NDRG2: variants seen among roughly 807,000 people sequenced by gnomAD.
The protein encoded by NDRG2 is protein NDRG2.
NDRG2 carries 34 observed loss-of-function variants against 58.2 expected under a neutral mutation model. The observed-to-expected ratio is 0.58, with a 90% CI of 0.44 to 0.78. The LOEUF is 0.78. Ranked by LOEUF, NDRG2 falls within the 30% of genes least tolerant of loss-of-function variation. The probability of loss-of-function intolerance (pLI) is 0.00; values close to 1 mark genes in which losing one functional copy is unlikely to be tolerated. For synonymous variants in NDRG2, 187 were observed against 175.9 expected (o/e 1.06, Z -0.50); for missense variants, 434 against 471.2 (o/e 0.92, Z 0.73).
At chr14:21,026,838 C>G (rs1214852935), upstream of NDRG2, among the ~76,000 whole-genome samples, 3 of 152,118 alleles carry the variant, frequency 2.0e-5, no homozygotes, top group Non-Finnish European at 4.4e-5. Context: ...CAGTTTAACA[C>G]TCTCCTGGAC....
At position 21,017,044 on chromosome 14, in the gene NDRG2, A is replaced by G. The variant is rs758115029; in HGVS notation, c.*552T>C. 6.6e-5 allele frequency: 30 copies of G among 454,666 alleles called. No individual in the cohort carries two copies. The highest frequency in any genetic ancestry group is 1.2e-4 in the Non-Finnish European group (27 of 225,640). The allele number at this position is 454,666 out of a possible 1,614,324, so 28.2% of individuals were successfully genotyped here. On this transcript the variant is annotated 3_prime_UTR_variant, in exon 16 of 16. Coordinates refer to ENST00000556147, the MANE Select transcript of NDRG2 (RefSeq NM_001320329.2). ...ACTCGTTCACTGCCCGCCAACTCCCATTCCAACTTCCTTTTTACACTGGAT... is the reference window on the plus strand; with the variant it reads ...ACTCGTTCACTGCCCGCCAACTCCCGTTCCAACTTCCTTTTTACACTGGAT...
upstream of NDRG2, chr14:21,028,472 C>T (rs917387496): frequency 3.9e-5 from 6 of 151,976 alleles, no homozygotes; most frequent in African/African-American, 1.5e-4. Context: ...TGTTGGCCTC[C>T]CAAAGTGCTG....
chr14:21,059,334 A>G lies in NDRG2; in HGVS notation c.24+11494T>C, dbSNP rs1481497730. The stretch of plus-strand genomic sequence containing the variant: ...TTTTATATGCAATCGGCCATAGACC[A>G]ATACTTTTGTAAAATACAATACAAT... On this transcript the variant is annotated intron_variant, in intron 1 of 14. Coordinates refer to the NDRG2 transcript ENST00000403829. Among the ~76,000 whole-genome samples the G allele has an allele frequency of 3.3e-5, 5 of 152,206 alleles. No individual in the cohort carries two copies. The East Asian group carries it at 9.6e-4, about 29-fold the overall frequency.
Position 21,070,700 on chromosome 14 carries a change from C to T in NDRG2, c.24+128G>A. The T allele has an allele frequency of 5.4e-6, 6 of 1,121,180 alleles. No individual in the cohort carries two copies. The highest frequency in any genetic ancestry group is 7.7e-6 in the Non-Finnish European group (6 of 780,786). 69.5% of individuals were successfully genotyped at this position (1,121,180 alleles called of 1,614,324 possible). A position where few individuals can be genotyped will look rare whatever the true frequency, so the allele number is the denominator to read the frequency against. On this transcript the variant is annotated intron_variant, in intron 1 of 14. Transcript: ENST00000403829. This position sits in a 1 kb window ranked among gnomAD's most constrained non-coding sequence, Gnocchi z 4.7. ...GCTCCCCGCCCTCCTCTGTCCTGAC[C>T]TGTGCCTTCCTTTCCTGGAGCTTCC...
intron 1 of NDRG2, among the ~76,000 whole-genome samples, chr14:21,060,963 C>T (rs944373914): frequency 6.6e-6 from 1 of 152,190 alleles, no homozygotes; most frequent in East Asian, 1.9e-4. Flanking sequence ...GCTCAATACA[C>T]ATTACGGCCT....
chr14:21,020,913 CA>C, intron 6 of NDRG2, 69 bp from the exon 7 acceptor site: 1 of 1,521,884 alleles, frequency 6.6e-7, no homozygotes, highest in Non-Finnish European at 9.1e-7. Flanking sequence ...CCCATCTCTT[CA>C]AACTCTTCAC....
At chr14:21,025,924 G>A (rs1458967225), upstream of NDRG2, 2 of 163,954 alleles carry the variant, frequency 1.2e-5, no homozygotes, top group Non-Finnish European at 2.5e-5. The surrounding 1 kb of genome is among the most constrained non-coding windows in gnomAD (Gnocchi z 5.1). Flanking sequence ...CAGGGGCGGA[G>A]TTAACCCTGC....
chr14:21,034,395 G>T, intron 1 of NDRG2: 1 of 798,242 alleles, frequency 1.3e-6, no homozygotes, highest in Non-Finnish European at 2.0e-6. Context: ...GTACTTTAGA[G>T]ATCATCTCAC....
intron 1 of NDRG2, chr14:21,032,916 C>T: frequency 2.2e-6 from 1 of 455,622 alleles, no homozygotes. Flanking sequence ...CCCAGTTTCC[C>T]CCAATGGTTA....
intron 1 of NDRG2, chr14:21,032,237 G>T: frequency 2.6e-6 from 2 of 754,852 alleles, no homozygotes; most frequent in Admixed American, 4.0e-5. Flanking sequence ...AGGCAGCACA[G>T]GAGGGTGGGT....
At chr14:21,034,282 G>T in intron 1 of NDRG2, 1 of 1,609,034 alleles carries the variant, frequency 6.2e-7, no homozygotes, top group Non-Finnish European at 8.5e-7. Flanking sequence ...GTCACAGCTG[G>T]TGCCATTCCT....
At chr14:21,047,965 C>T (rs930380681) in intron 1 of NDRG2, among the ~76,000 whole-genome samples, 3 of 152,144 alleles carry the variant, frequency 2.0e-5, no homozygotes, top group Non-Finnish European at 4.4e-5. Context: ...CTGCCTACAC[C>T]CTGCCCTTAA....
At chr14:21,065,442 T>A (rs1886212216) in intron 1 of NDRG2, among the ~76,000 whole-genome samples, 1 of 152,176 alleles carries the variant, frequency 6.6e-6, no homozygotes, top group African/African-American at 2.4e-5. Flanking sequence ...AGACACTAGC[T>A]GAAAAAGCAG....
chr14:21,031,364 A>G (rs541370774), intron 1 of NDRG2: 1 of 603,770 alleles, frequency 1.7e-6, no homozygotes, highest in Admixed American at 3.6e-5. Context: ...GGCTATTTTA[A>G]TAGTAGATTT....
intron 12 of NDRG2, 122 bp from the exon 13 acceptor site, chr14:21,018,626 C>T: frequency 6.4e-7 from 1 of 1,556,934 alleles, no homozygotes; most frequent in Non-Finnish European, 8.7e-7. Context: ...TTCCTCCTTA[C>T]CAGGAATCAA....
chr14:21,066,945 A>T (rs1358741931), intron 1 of NDRG2, among the ~76,000 whole-genome samples: 1 of 152,262 alleles, frequency 6.6e-6, no homozygotes, highest in Admixed American at 6.5e-5. Flanking sequence ...CTTGGAAGGC[A>T]GAGCTAACAA....
At position 21,058,313 on chromosome 14, in the gene NDRG2, C is replaced by T. The variant is rs370392680; in HGVS notation, c.24+12515G>A. 2 of 1,613,472 alleles carry T rather than the reference C, an allele frequency of 1.2e-6. No homozygotes were observed. Among genetic ancestry groups the T allele is most frequent in the Admixed American group, 1.7e-5 (1 of 59,974 alleles). On this transcript the variant is annotated intron_variant, in intron 1 of 14. Coordinates refer to the NDRG2 transcript ENST00000403829. ...CTGTGACCCTCCACAACAGGGTGAC[C>T]CAGGGTACCCACTTGTTCCTGTGCA...
At chr14:21,063,739 A>G (rs1224875312) in intron 1 of NDRG2, among the ~76,000 whole-genome samples, 25 of 152,224 alleles carry the variant, frequency 1.6e-4, no homozygotes, top group Admixed American at 1.6e-3. Context: ...ATAAATGTTC[A>G]TTTAACAAAA....
intron 9 of NDRG2, 77 bp downstream of exon 9, chr14:21,019,843 A>T: frequency 1.3e-6 from 2 of 1,548,720 alleles, no homozygotes; most frequent in Non-Finnish European, 1.8e-6. Context: ...ATCCTGTCCC[A>T]GCTAAGGAAG....
Sources: gnomAD v4.1 joint callset for allele counts (sites outside exome capture counted in the v4.1 genomes callset) on GRCh38, gnomAD v4.1.1 for gene constraint, Gnocchi (gnomAD v3.1) non-coding constraint, MANE v1.5 for transcripts, NCBI Gene and HGNC (gene_info 2026-07-23, HGNC 2026-07-21) for gene names.